The following NDST4 variants were observed in gnomAD, a reference collection of about 807,000 sequenced individuals.
NDST4 encodes the protein N-deacetylase and N-sulfotransferase 4, also known as N-heparan sulfate sulfotransferase 4.
NDST4 carries 63 observed loss-of-function variants against 100.8 expected under a neutral mutation model. The observed-to-expected ratio is 0.62, with a 90% confidence interval of 0.51 to 0.77. NDST4 has a LOEUF of 0.77. Among genes scored for constraint, NDST4 ranks in the 30% least tolerant of loss-of-function variants. The probability of loss-of-function intolerance (pLI) is 0.00; values close to 1 mark genes in which losing one functional copy is unlikely to be tolerated. For synonymous variants in NDST4, 377 were observed against 361.8 expected (o/e 1.04, Z -0.48); for missense variants, 943 against 1,018.4 (o/e 0.93, Z 1.01).
intron 2 of NDST4, among the ~76,000 whole-genome samples, chr4:115,061,675 G>T (rs370679563): frequency 6.6e-6 from 1 of 151,876 alleles, no homozygotes; most frequent in African/African-American, 2.4e-5. Flanking sequence ...TAACGCATGC[G>T]GGGCTTAAAA....
intron 1 of NDST4, among the ~76,000 whole-genome samples, chr4:115,101,736 G>C (rs1729734195): frequency 1.3e-5 from 2 of 151,960 alleles, no homozygotes; most frequent in African/African-American, 4.8e-5. Flanking sequence ...AAGAAGCTGA[G>C]AATAGTTTGA....
In NDST4 at chr4:115,105,600, C is replaced by T. The variant is rs373792204; in HGVS notation, c.-247+7844G>A. ...ACCTTTGTCCATACTTCTTATAGTG[C>T]GACAACAAAAAACAACAAGAAATCT... On this transcript the variant is annotated intron_variant, in intron 1 of 13. Transcript: ENST00000264363. Among the ~76,000 whole-genome samples, 6 of 152,034 alleles carry T rather than the reference C, an allele frequency of 3.9e-5. No homozygotes were observed. In the South Asian group the frequency reaches 8.3e-4, roughly 21 times the overall value.
intron 1 of NDST4, among the ~76,000 whole-genome samples, chr4:115,083,586 T>C (rs1020296176): frequency 6.6e-6 from 1 of 152,238 alleles, no homozygotes; most frequent in Non-Finnish European, 1.5e-5. Flanking sequence ...TAAAATGGTT[T>C]GGCTGTGTCC....
intron 6 of NDST4, among the ~76,000 whole-genome samples, chr4:114,892,087 G>A (rs573216229): frequency 2.5e-4 from 38 of 152,166 alleles, no homozygotes; most frequent in African/African-American, 8.9e-4. Context: ...GACAAAAATT[G>A]TAGAAAATAG....
chr4:114,888,593 C>G (rs548820575), intron 6 of NDST4, among the ~76,000 whole-genome samples: 2 of 152,318 alleles, frequency 1.3e-5, no homozygotes, highest in African/African-American at 4.8e-5. Flanking sequence ...ACGCATCAGG[C>G]TTACAACACA....
At chr4:115,104,930 T>C (rs1729806461) in intron 1 of NDST4, among the ~76,000 whole-genome samples, 1 of 152,164 alleles carries the variant, frequency 6.6e-6, no homozygotes, top group Non-Finnish European at 1.5e-5. Flanking sequence ...TAAAATCTCA[T>C]GTTTCCCACT....
chr4:115,057,753 CA>C (rs1728731989), intron 2 of NDST4, among the ~76,000 whole-genome samples: 5 of 149,384 alleles, frequency 3.3e-5, no homozygotes, highest in African/African-American at 1.3e-4. Flanking sequence ...CACACACACA[CA>C]CACACCAAAA....
chr4:114,939,918 T>G (rs1235323197), intron 4 of NDST4, among the ~76,000 whole-genome samples: 1 of 152,186 alleles, frequency 6.6e-6, no homozygotes, highest in Non-Finnish European at 1.5e-5. Context: ...CTAGCAACTC[T>G]TTTGCTATTA....
At chr4:114,837,093 T>A (rs1326237760) in intron 11 of NDST4, among the ~76,000 whole-genome samples, 4 of 152,118 alleles carry the variant, frequency 2.6e-5, no homozygotes, top group Non-Finnish European at 5.9e-5. Context: ...TTTGTTATTA[T>A]CCACCTTCTG....
chr4:115,055,190 A>G (rs1027885680), intron 2 of NDST4, among the ~76,000 whole-genome samples: 1 of 152,162 alleles, frequency 6.6e-6, no homozygotes, highest in Admixed American at 6.6e-5. Flanking sequence ...TCCAGACAGG[A>G]CCATTTAGTT....
chr4:114,945,358 C>T (rs1472837947), intron 4 of NDST4, among the ~76,000 whole-genome samples: 1 of 151,834 alleles, frequency 6.6e-6, no homozygotes, highest in Non-Finnish European at 1.5e-5. Context: ...GGGGTAAGAA[C>T]CAGCAAATGG....
chr4:114,911,611 G>T (rs1578383440), intron 6 of NDST4, among the ~76,000 whole-genome samples: 2 of 152,118 alleles, frequency 1.3e-5, no homozygotes, highest in South Asian at 4.1e-4. Context: ...CACTATTGCA[G>T]AGAAAGAGGA....
intron 2 of NDST4, among the ~76,000 whole-genome samples, chr4:114,993,942 C>T (rs1727105943): frequency 1.3e-5 from 2 of 151,926 alleles, no homozygotes; most frequent in Non-Finnish European, 1.5e-5. Flanking sequence ...ATGATGCTTC[C>T]TCTATTCCAT....
intron 4 of NDST4, among the ~76,000 whole-genome samples, chr4:114,944,652 C>T (rs1725821707): frequency 6.6e-6 from 1 of 152,164 alleles, no homozygotes; most frequent in Non-Finnish European, 1.5e-5. Flanking sequence ...TAGGTAACCT[C>T]ACAAAAGGGG....
chr4:115,084,820 G>A (rs1037067720), intron 1 of NDST4, among the ~76,000 whole-genome samples: 2 of 152,130 alleles, frequency 1.3e-5, no homozygotes, highest in African/African-American at 4.8e-5. Context: ...CAGGGGCAGA[G>A]CCTTCATGGA....
At chr4:114,951,509 T>C (rs992621555) in intron 4 of NDST4, among the ~76,000 whole-genome samples, 4 of 152,108 alleles carry the variant, frequency 2.6e-5, no homozygotes, top group Non-Finnish European at 1.5e-5. Context: ...ATGATAACCA[T>C]AATGATAATG....
intron 8 of NDST4, among the ~76,000 whole-genome samples, chr4:114,849,377 G>A (rs999344994): frequency 2.0e-5 from 3 of 152,232 alleles, no homozygotes; most frequent in South Asian, 2.1e-4. Context: ...AGCCCTAGCA[G>A]AGCTGCAGAC....
intron 2 of NDST4, among the ~76,000 whole-genome samples, chr4:115,055,043 A>C (rs533585): frequency 0.25 from 38,408 of 151,576 alleles, 6,552 homozygotes; most frequent in African/African-American, 0.46. Context: ...CGAGCGCCAC[A>C]TTCTGCCAGA....
At position 114,883,078 on chromosome 4, in the gene NDST4, T is replaced by C. The variant is rs1724405106; in HGVS notation, c.1537-12128A>G. On this transcript the variant is annotated intron_variant, in intron 6 of 13. Coordinates refer to ENST00000264363, the MANE Select transcript of NDST4 (RefSeq NM_022569.3). ...GAATTTCTTTGTCAGTGGACTTGCC[T>C]TGAAAAAAGAAAAGTCAGATGAAGT... Among the ~76,000 whole-genome samples the C allele has an allele frequency of 3.3e-5, 5 of 151,846 alleles. No homozygotes were observed. The South Asian group carries it at 1.0e-3, about 31-fold the overall frequency.
Sources: allele counts gnomAD v4.1 joint callset (sites outside exome capture counted in the v4.1 genomes callset), GRCh38; gene constraint gnomAD v4.1.1; transcripts MANE v1.5; gene names NCBI Gene and HGNC (gene_info 2026-07-23, HGNC 2026-07-21).